PDK1: variants seen among roughly 807,000 people sequenced by gnomAD.
PDK1 encodes the protein pyruvate dehydrogenase kinase 1, also known as [Pyruvate dehydrogenase (acetyl-transferring)] kinase isozyme 1, mitochondrial.
Under a neutral mutation model 54.2 loss-of-function variants are expected in PDK1, and 39 were observed. That is an observed-to-expected ratio of 0.72 (90% confidence interval 0.56 to 0.94). The LOEUF (loss-of-function observed/expected upper bound fraction) is 0.94. Ranked by LOEUF, PDK1 falls within the 40% of genes least tolerant of loss-of-function variation. The probability of loss-of-function intolerance (pLI) is 0.00; values close to 1 mark genes in which losing one functional copy is unlikely to be tolerated. For missense variants in PDK1, 552 were observed against 566.0 expected, an observed-to-expected ratio of 0.98 and a Z score of 0.25; for synonymous variants, 221 against 207.1, an observed-to-expected ratio of 1.07 and a Z score of -0.58.
At chr2:172,591,515 G>A (rs1173445890) in intron 9 of PDK1, among the ~76,000 whole-genome samples, 2 of 152,156 alleles carry the variant, frequency 1.3e-5, no homozygotes, top group Non-Finnish European at 2.9e-5. Context: ...GTTATTTCTT[G>A]CAAACTGTCT....
At chr2:172,688,036 G>A in the PDK1 span, among the ~76,000 whole-genome samples, 1 of 152,198 alleles carries the variant, frequency 6.6e-6, no homozygotes, top group Non-Finnish European at 1.5e-5. Context: ...CCCACAGTGG[G>A]TCAATTAAGA....
At chr2:172,580,238 CTTTTT>C (rs11287577) in intron 8 of PDK1, among the ~76,000 whole-genome samples, 3 of 127,306 alleles carry the variant, frequency 2.4e-5, no homozygotes, top group Non-Finnish European at 1.7e-5. Flanking sequence ...GAATGTATCA[CTTTTT>C]TTTTTTTTTT....
the PDK1 span, among the ~76,000 whole-genome samples, chr2:172,621,717 T>A: frequency 1.9e-4 from 26 of 137,678 alleles, no homozygotes; most frequent in African/African-American, 6.7e-4. Flanking sequence ...ATCAAACATG[T>A]TATATGTTTA....
the PDK1 span, among the ~76,000 whole-genome samples, chr2:172,657,856 G>A: frequency 4.6e-5 from 7 of 152,174 alleles, no homozygotes; most frequent in African/African-American, 1.7e-4. Context: ...AAGGAAAGAG[G>A]TTTATTTGGC....
chr2:172,693,394 G>T, the PDK1 span, among the ~76,000 whole-genome samples: 1 of 152,216 alleles, frequency 6.6e-6, no homozygotes, highest in Non-Finnish European at 1.5e-5. Flanking sequence ...ATTTACTGGG[G>T]GGTGACCCTG....
the PDK1 span, among the ~76,000 whole-genome samples, chr2:172,678,040 G>A: frequency 1.4e-4 from 21 of 152,108 alleles, no homozygotes; most frequent in African/African-American, 4.3e-4. Context: ...ATGGTGGTGG[G>A]CGCCTGTAAA....
the PDK1 span, among the ~76,000 whole-genome samples, chr2:172,701,655 T>G: frequency 1.3e-5 from 2 of 149,430 alleles, no homozygotes; most frequent in African/African-American, 5.1e-5. Context: ...TTTGTTTTTT[T>G]TTTTTTTTGG....
the PDK1 span, among the ~76,000 whole-genome samples, chr2:172,712,608 G>A: frequency 3.9e-5 from 6 of 152,166 alleles, no homozygotes; most frequent in African/African-American, 9.7e-5. Flanking sequence ...TACTGCAAGC[G>A]GCTTCCACTG....
At chr2:172,650,988 C>T in the PDK1 span, among the ~76,000 whole-genome samples, 14 of 152,304 alleles carry the variant, frequency 9.2e-5, no homozygotes, top group South Asian at 8.3e-4. Context: ...ACCTAATAAA[C>T]ATCTACAGAA....
At chr2:172,656,588 A>G in the PDK1 span, among the ~76,000 whole-genome samples, 1 of 152,174 alleles carries the variant, frequency 6.6e-6, no homozygotes, top group Admixed American at 6.5e-5. Flanking sequence ...GTTAAAGAAA[A>G]CAAAGCCTCT....
At position 172,599,695 on chromosome 2, in the gene PDK1, T is replaced by C. The variant is rs912119600; in HGVS notation, c.*3726T>C. 2 of 152,224 alleles carry C rather than the reference T, an allele frequency of 1.3e-5. No individual in the cohort carries two copies. Among genetic ancestry groups the C allele is most frequent in the Non-Finnish European group, 2.9e-5 (2 of 68,034 alleles). The allele number at this position is 152,224 out of a possible 1,614,324, so 9.4% of individuals were successfully genotyped here. A position where few individuals can be genotyped will look rare whatever the true frequency, so the allele number is the denominator to read the frequency against. On this transcript the variant is annotated 3_prime_UTR_variant, in exon 11 of 11. Transcript: ENST00000282077. ...GGCATTCATAAACTACTGTACCTTC[T>C]GTTCTATTGACATGTTTGGAAAAAA...
the PDK1 span, among the ~76,000 whole-genome samples, chr2:172,646,735 C>CTTTT: frequency 1.4e-5 from 1 of 72,050 alleles, no homozygotes; most frequent in Admixed American, 1.8e-4. Flanking sequence ...CTTGCATTTC[C>CTTTT]TTTTTTTTTT....
the PDK1 span, among the ~76,000 whole-genome samples, chr2:172,690,851 G>T: frequency 3.0e-4 from 45 of 148,602 alleles, no homozygotes; most frequent in African/African-American, 3.9e-4. Flanking sequence ...GGGCCTGTTG[G>T]GGGGGTGGGG....
the PDK1 span, among the ~76,000 whole-genome samples, chr2:172,617,372 C>T: frequency 1.3e-5 from 2 of 151,950 alleles, no homozygotes; most frequent in African/African-American, 4.8e-5. Flanking sequence ...AAAAAATATT[C>T]CCCTCTAGTC....
Position 172,562,286 on chromosome 2 carries a change from T to C in PDK1, c.405T>C (p.Ile135=), listed in dbSNP as rs766688967. Reference sequence around the variant, plus strand: ...AAAGTGCTGAGGATGCTAAAGCTATTTATGAGTAAGTTCACTATTTTGACC... The same window carrying C: ...AAAGTGCTGAGGATGCTAAAGCTATCTATGAGTAAGTTCACTATTTTGACC... ...KDKSAEDAKA[I]YDFTDTVIRI... The change falls in exon 3 of 11, where the codon ATT becomes ATC. Residue 135 remains isoleucine (I), a synonymous_variant. Transcript: ENST00000282077. 8 of 1,583,482 alleles carry C rather than the reference T, an allele frequency of 5.1e-6. No individual in the cohort carries two copies. The highest frequency in any genetic ancestry group is 6.9e-6 in the Non-Finnish European group (8 of 1,152,550).
the PDK1 span, among the ~76,000 whole-genome samples, chr2:172,622,871 G>T: frequency 6.8e-6 from 1 of 146,190 alleles, no homozygotes; most frequent in African/African-American, 2.5e-5. Flanking sequence ...AATATAATAT[G>T]ATATATGTTT....
the PDK1 span, among the ~76,000 whole-genome samples, chr2:172,688,471 G>A: frequency 6.6e-6 from 1 of 152,174 alleles, no homozygotes; most frequent in Non-Finnish European, 1.5e-5. Context: ...TGGGTGGTGT[G>A]TGAACCAGTC....
At chr2:172,704,142 A>C in the PDK1 span, among the ~76,000 whole-genome samples, 1 of 152,154 alleles carries the variant, frequency 6.6e-6, no homozygotes, top group African/African-American at 2.4e-5. Flanking sequence ...GTTTAAGAGC[A>C]TGTTCTCACG....
At chr2:172,668,426 A>C in the PDK1 span, among the ~76,000 whole-genome samples, 2 of 152,100 alleles carry the variant, frequency 1.3e-5, no homozygotes, top group Non-Finnish European at 2.9e-5. Context: ...CTTGTGATTC[A>C]GTTCTATGAT....
Sources: allele counts gnomAD v4.1 joint callset (sites outside exome capture counted in the v4.1 genomes callset), GRCh38; gene constraint gnomAD v4.1.1; transcripts MANE v1.5; gene names NCBI Gene and HGNC (gene_info 2026-07-23, HGNC 2026-07-21).